The following TBL1XR1 variants were observed in gnomAD, a reference collection of about 807,000 sequenced individuals.
TBL1XR1 encodes F-box-like/WD repeat-containing protein TBL1XR1.
In TBL1XR1, 5 loss-of-function variants were observed where a neutral mutation model predicts 66.9. The ratio of observed to expected loss-of-function variants is 0.07; its 90% CI spans 0.04 to 0.16. The LOEUF (loss-of-function observed/expected upper bound fraction) is 0.16. Ranked by LOEUF, TBL1XR1 falls within the 10% of genes least tolerant of loss-of-function variation. The pLI, the probability that TBL1XR1 is intolerant of heterozygous loss-of-function variation, is 1.00. For synonymous variants in TBL1XR1, 210 were observed against 206.0 expected, an observed-to-expected ratio of 1.02 and a Z score of -0.17; for missense variants, 238 against 623.2, an observed-to-expected ratio of 0.38 and a Z score of 6.58.
At chr3:177,082,738 T>TATTATATA (rs1721561508) in intron 2 of TBL1XR1, among the ~76,000 whole-genome samples, 1 of 63,234 alleles carries the variant, frequency 1.6e-5, no homozygotes, top group African/African-American at 6.4e-5. Context: ...AAGATAGAGA[T>TATTATATA]TATATATATA....
At chr3:177,160,898 A>G (rs7616369) in intron 1 of TBL1XR1, 75,270 of 151,312 alleles carry the variant, frequency 0.5, 19,570 homozygotes, top group Non-Finnish European at 0.57. Flanking sequence ...TGGGAGGCTG[A>G]GATGCGAGGA....
chr3:177,192,036 T>C (rs1467472476), intron 1 of TBL1XR1, among the ~76,000 whole-genome samples: 3 of 143,212 alleles, frequency 2.1e-5, no homozygotes, highest in South Asian at 2.2e-4. Context: ...GAGGTTGCAG[T>C]GAGCCGAGAT....
rs1736972367 is a variant in TBL1XR1 at position 177,197,147 on chromosome 3, TC to T, written c.-149del. The T allele has an allele frequency of 6.7e-6, 1 of 149,494 alleles. No individual in the cohort carries two copies. The highest frequency in any genetic ancestry group is 1.5e-5 in the Non-Finnish European group (1 of 67,482). The allele number at this position is 149,494 out of a possible 1,614,324, so 9.3% of individuals were successfully genotyped here. On this transcript the variant is annotated 5_prime_UTR_variant, in exon 1 of 16. Coordinates refer to ENST00000457928, the MANE Select transcript of TBL1XR1 (RefSeq NM_024665.7). ...TGGAAACGGTGGCCTCCAACGCCGCTCCCCCCTCCCGGGAATGGAGGCACAA... is the reference window on the plus strand; with the variant it reads ...TGGAAACGGTGGCCTCCAACGCCGCTCCCCCTCCCGGGAATGGAGGCACAA...
chr3:177,190,121 G>T (rs1735952105), intron 1 of TBL1XR1, among the ~76,000 whole-genome samples: 1 of 88,016 alleles, frequency 1.1e-5, no homozygotes, highest in Admixed American at 1.9e-4. Context: ...CAACAAGAGT[G>T]AAACTCCATC....
At chr3:177,140,826 G>A (rs563734489) in intron 1 of TBL1XR1, among the ~76,000 whole-genome samples, 9 of 152,198 alleles carry the variant, frequency 5.9e-5, no homozygotes, top group South Asian at 2.1e-4. Context: ...TCAAAATCAC[G>A]TAGTTGCAAA....
chr3:177,118,199 G>C (rs1726543595), intron 1 of TBL1XR1, among the ~76,000 whole-genome samples: 1 of 152,138 alleles, frequency 6.6e-6, no homozygotes, highest in Non-Finnish European at 1.5e-5. Context: ...CCAGATCCCA[G>C]AGTCTGTTAT....
chr3:177,160,259 C>T (rs555096296), intron 1 of TBL1XR1, among the ~76,000 whole-genome samples: 5 of 151,804 alleles, frequency 3.3e-5, no homozygotes, highest in African/African-American at 9.7e-5. Context: ...TGCATCATGA[C>T]GTCAGGAGAT....
intron 3 of TBL1XR1, among the ~76,000 whole-genome samples, chr3:177,063,743 C>G (rs1293405970): frequency 6.6e-6 from 1 of 152,222 alleles, no homozygotes; most frequent in Non-Finnish European, 1.5e-5. Context: ...GAGCTATTAA[C>G]TTCAAAGCTT....
At chr3:177,134,233 T>G (rs778014604) in intron 1 of TBL1XR1, among the ~76,000 whole-genome samples, 6 of 152,226 alleles carry the variant, frequency 3.9e-5, no homozygotes, top group Non-Finnish European at 8.8e-5. Flanking sequence ...CGTTTTTTGC[T>G]TCAGATAACT....
rs754019574 is a variant in TBL1XR1, at chr3:177,104,129, A to AAAAGAGAGAGAG, written c.-121-5589_-121-5588insCTCTCTCTCTTT. 7.8e-5 allele frequency among the ~76,000 whole-genome samples: 11 copies of AAAAGAGAGAGAG among 141,240 alleles called. No individual in the cohort carries two copies. In the East Asian group the frequency reaches 1.9e-3, roughly 24 times the overall value. 92.7% of individuals were successfully genotyped at this position (141,240 alleles called of 152,430 possible). A position where few individuals can be genotyped will look rare whatever the true frequency, so the allele number is the denominator to read the frequency against. ...AGACTCGGTCTCCAAAAAAAAAAAAAAGAGAGAGAGAGAAATATATAAGAA... is the reference window on the plus strand; with the variant it reads ...AGACTCGGTCTCCAAAAAAAAAAAAAAAAGAGAGAGAGAGAGAGAGAGAGAAATATATAAGAA... On this transcript the variant is annotated intron_variant, in intron 1 of 15. Transcript: ENST00000457928.
chr3:177,158,246 T>C (rs1335089477), intron 1 of TBL1XR1, among the ~76,000 whole-genome samples: 1 of 147,234 alleles, frequency 6.8e-6, no homozygotes, highest in Non-Finnish European at 1.5e-5. Context: ...TTTTTTTTTT[T>C]TAAGACAGTC....
At chr3:177,135,379 A>ATATATATG (rs1301661208) in intron 1 of TBL1XR1, among the ~76,000 whole-genome samples, 5 of 26,370 alleles carry the variant, frequency 1.9e-4, no homozygotes, top group South Asian at 1.2e-3. Flanking sequence ...ATATATATAT[A>ATATATATG]TATGTATGTA....
chr3:177,030,232 C>G (rs1219754483), intron 14 of TBL1XR1, among the ~76,000 whole-genome samples: 2 of 151,642 alleles, frequency 1.3e-5, no homozygotes, highest in African/African-American at 4.8e-5. Flanking sequence ...CAATGTTGTA[C>G]ATTTTTAAAT....
At chr3:177,030,021 G>A (rs1004774411) in intron 14 of TBL1XR1, among the ~76,000 whole-genome samples, 1 of 152,086 alleles carries the variant, frequency 6.6e-6, no homozygotes, top group East Asian at 1.9e-4. Context: ...GCACGTTGAA[G>A]AGCAGTTAGG....
At chr3:177,112,732 C>T (rs1052440734) in intron 1 of TBL1XR1, among the ~76,000 whole-genome samples, 1 of 152,034 alleles carries the variant, frequency 6.6e-6, no homozygotes, top group Non-Finnish European at 1.5e-5. Context: ...CTGCTGGGTG[C>T]GGTGGCTCAC....
intron 1 of TBL1XR1, among the ~76,000 whole-genome samples, chr3:177,109,129 T>C (rs183858154): frequency 5.4e-4 from 82 of 152,300 alleles, no homozygotes; most frequent in African/African-American, 1.8e-3. Flanking sequence ...AAAAAACAAG[T>C]AAATTGTATA....
intron 14 of TBL1XR1, among the ~76,000 whole-genome samples, chr3:177,031,652 ATGG>A (rs1314390061): frequency 3.4e-5 from 5 of 145,598 alleles, no homozygotes; most frequent in African/African-American, 1.2e-4. Context: ...TAGAAGGCTC[ATGG>A]TGGCTCATGC....
intron 1 of TBL1XR1, among the ~76,000 whole-genome samples, chr3:177,101,288 A>T (rs1577168477): frequency 6.8e-6 from 1 of 147,570 alleles, no homozygotes; most frequent in Admixed American, 6.8e-5. Context: ...TTTAGATGCA[A>T]TTTTTTTTTT....
intron 5 of TBL1XR1, among the ~76,000 whole-genome samples, chr3:177,051,230 A>C (rs1287704645): frequency 6.6e-6 from 1 of 152,112 alleles, no homozygotes; most frequent in African/African-American, 2.4e-5. Context: ...ATTTCAGCAT[A>C]GAAGATGGGG....
Sources: gnomAD v4.1 joint callset for allele counts (sites outside exome capture counted in the v4.1 genomes callset) on GRCh38, gnomAD v4.1.1 for gene constraint, MANE v1.5 for transcripts, NCBI Gene and HGNC (gene_info 2026-07-23, HGNC 2026-07-21) for gene names.